The following KCNIP4 variants were observed in gnomAD, a reference collection of about 807,000 sequenced individuals.
The protein encoded by KCNIP4 is Kv channel-interacting protein 4.
Under a neutral mutation model 34.0 loss-of-function variants are expected in KCNIP4, and 12 were observed. The ratio of observed to expected loss-of-function variants is 0.35; its 90% confidence interval spans 0.23 to 0.57. KCNIP4 has a LOEUF of 0.57. KCNIP4 is among the 20% of genes least tolerant of loss of function. The pLI is 0.83. For synonymous variants in KCNIP4, 124 were observed against 102.2 expected, an observed-to-expected ratio of 1.21 and a Z score of -1.29; for missense variants, 238 against 311.7, an observed-to-expected ratio of 0.76 and a Z score of 1.78.
At position 21,475,007 on chromosome 4, in the gene KCNIP4, C is replaced by CA. The variant is rs59228123; in HGVS notation, c.61+473563dup. Reference sequence around the variant, plus strand: ...AAGAATGAGACTCCATCTCGAAAAACAAAAAAAAAAGACGTTAATAAAATA... The same window carrying CA: ...AAGAATGAGACTCCATCTCGAAAAACAAAAAAAAAAAGACGTTAATAAAATA... On this transcript the variant is annotated intron_variant, in intron 1 of 8. Coordinates refer to ENST00000382152, the MANE Select transcript of KCNIP4 (RefSeq NM_025221.6). Among the ~76,000 whole-genome samples the CA allele has an allele frequency of 7.7e-4, 74 of 96,062 alleles. No individual in the cohort carries two copies. In the East Asian group the frequency reaches 0.015, roughly 19 times the overall value. The allele number at this position is 96,062 out of a possible 152,430, so 63.0% of individuals were successfully genotyped here.
intron 3 of KCNIP4, among the ~76,000 whole-genome samples, chr4:20,842,516 T>A (rs752493315): frequency 7.2e-6 from 1 of 138,958 alleles, no homozygotes; most frequent in East Asian, 2.1e-4. Context: ...ATCTGACTTA[T>A]AGTAGATGTT....
intron 3 of KCNIP4, among the ~76,000 whole-genome samples, chr4:20,801,210 A>T (rs1714181383): frequency 6.6e-6 from 1 of 152,092 alleles, no homozygotes; most frequent in Non-Finnish European, 1.5e-5. Flanking sequence ...AAAGAGGCAT[A>T]AAATATTATC....
intron 1 of KCNIP4, among the ~76,000 whole-genome samples, chr4:21,241,599 A>G (rs939411272): frequency 1.3e-5 from 2 of 152,314 alleles, no homozygotes; most frequent in African/African-American, 4.8e-5. Context: ...ACACTAATGA[A>G]TCATAGTGGC....
At chr4:21,410,828 G>C (rs1253294198) in intron 1 of KCNIP4, among the ~76,000 whole-genome samples, 1 of 152,160 alleles carries the variant, frequency 6.6e-6, no homozygotes, top group African/African-American at 2.4e-5. Context: ...TATGTTTTCT[G>C]ACCTTTCAGA....
chr4:20,882,748 A>G (rs1385273517), intron 1 of KCNIP4, 39 bp from the exon 2 acceptor site: 1 of 1,496,384 alleles, frequency 6.7e-7, no homozygotes. Flanking sequence ...TGCTGTCTGC[A>G]GAGAGAAAAG....
rs28459973 is a variant in KCNIP4 at position 21,694,927 on chromosome 4, A to C, written c.61+253644T>G. Among the ~76,000 whole-genome samples, 7 of 102,148 alleles carry C rather than the reference A, an allele frequency of 6.9e-5. 1 individual carries two copies. Among genetic ancestry groups the C allele is most frequent in the African/African-American group, 1.2e-4 (3 of 25,682 alleles). The allele number at this position is 102,148 out of a possible 152,430, so 67.0% of individuals were successfully genotyped here. On this transcript the variant is annotated intron_variant, in intron 1 of 8. Transcript: ENST00000382152. The stretch of plus-strand genomic sequence containing the variant: ...AACACGATTGACCAAAAAAAAAAAA[A>C]AAATAAAAATAAATAAATAAATAAA...
At chr4:21,336,286 C>G (rs960134199) in intron 1 of KCNIP4, among the ~76,000 whole-genome samples, 2 of 151,986 alleles carry the variant, frequency 1.3e-5, no homozygotes, top group Non-Finnish European at 2.9e-5. Flanking sequence ...ACCACAAACA[C>G]TTTAGCTGTA....
chr4:21,535,885 G>T (rs1737124171), intron 1 of KCNIP4, among the ~76,000 whole-genome samples: 1 of 152,012 alleles, frequency 6.6e-6, no homozygotes, highest in Non-Finnish European at 1.5e-5. Flanking sequence ...GTCAATTCCT[G>T]GGCCCTACTC....
At chr4:21,303,145 G>A (rs559831384) in intron 1 of KCNIP4, among the ~76,000 whole-genome samples, 1 of 152,294 alleles carries the variant, frequency 6.6e-6, no homozygotes, top group East Asian at 1.9e-4. Context: ...AAACAAAGAG[G>A]TGATTGATAA....
chr4:21,300,333 A>G (rs1431173999), intron 1 of KCNIP4, among the ~76,000 whole-genome samples: 1 of 152,130 alleles, frequency 6.6e-6, no homozygotes, highest in Admixed American at 6.6e-5. Flanking sequence ...AGTATTCCAA[A>G]CCAGCATAAT....
chr4:21,572,423 T>C (rs889239020), intron 1 of KCNIP4, among the ~76,000 whole-genome samples: 9 of 152,142 alleles, frequency 5.9e-5, no homozygotes, highest in South Asian at 2.1e-4. Context: ...TGTGTCCTTT[T>C]AAGCTCTTAT....
chr4:21,435,503 T>G (rs902898655), intron 1 of KCNIP4, among the ~76,000 whole-genome samples: 3 of 152,160 alleles, frequency 2.0e-5, no homozygotes, highest in Non-Finnish European at 1.5e-5. Flanking sequence ...ATTGGAATCA[T>G]GGGAAGCCAC....
At chr4:20,964,906 C>T (rs1734194805) in intron 1 of KCNIP4, among the ~76,000 whole-genome samples, 1 of 151,962 alleles carries the variant, frequency 6.6e-6, no homozygotes, top group South Asian at 2.1e-4. Context: ...GAGATTTTTT[C>T]AATTAGGAGG....
intron 1 of KCNIP4, among the ~76,000 whole-genome samples, chr4:21,430,888 A>T (rs1031751391): frequency 6.6e-6 from 1 of 152,074 alleles, no homozygotes; most frequent in African/African-American, 2.4e-5. Flanking sequence ...CAAAGATAAA[A>T]ATAGTTACGC....
chr4:20,871,264 C>T (rs577674966), intron 2 of KCNIP4, among the ~76,000 whole-genome samples: 7 of 152,112 alleles, frequency 4.6e-5, no homozygotes, highest in Admixed American at 1.3e-4. Context: ...AATTGGACAT[C>T]GGAGTGGCAA....
intron 1 of KCNIP4, among the ~76,000 whole-genome samples, chr4:20,973,659 G>C (rs1460330808): frequency 1.3e-5 from 2 of 152,138 alleles, no homozygotes; most frequent in Non-Finnish European, 2.9e-5. Flanking sequence ...ATACTTTCTA[G>C]CTTTTGATTT....
intron 1 of KCNIP4, among the ~76,000 whole-genome samples, chr4:20,903,517 T>C (rs557909197): frequency 1.3e-5 from 2 of 152,288 alleles, no homozygotes; most frequent in South Asian, 4.1e-4. Flanking sequence ...GTTTCCTTTC[T>C]ATTGATCTCA....
At chr4:21,303,775 T>C (rs1189166113) in intron 1 of KCNIP4, 2 of 1,559,476 alleles carry the variant, frequency 1.3e-6, no homozygotes, top group Non-Finnish European at 1.8e-6. Flanking sequence ...AAACAGAGAA[T>C]TTTTAGAAGT....
intron 1 of KCNIP4, among the ~76,000 whole-genome samples, chr4:21,010,040 A>G (rs1037769968): frequency 1.3e-5 from 2 of 152,204 alleles, no homozygotes; most frequent in African/African-American, 4.8e-5. Context: ...CCCCACTCTC[A>G]TGACCTAACC....
Sources: allele counts gnomAD v4.1 joint callset (sites outside exome capture counted in the v4.1 genomes callset), GRCh38; gene constraint gnomAD v4.1.1; transcripts MANE v1.5; gene names NCBI Gene and HGNC (gene_info 2026-07-23, HGNC 2026-07-21).